The following ZDHHC11B variants were observed in gnomAD, a reference collection of about 807,000 sequenced individuals.
ZDHHC11B encodes zDHHC palmitoyltransferase 11B (putative), also known as probable palmitoyltransferase ZDHHC11B.
A neutral mutation model predicts 42.3 loss-of-function variants in ZDHHC11B; 17 were observed. That is an observed-to-expected ratio of 0.40 (90% confidence interval 0.27 to 0.60). ZDHHC11B has a LOEUF of 0.60. Ranked by LOEUF, ZDHHC11B falls within the 20% of genes least tolerant of loss-of-function variation. The probability of loss-of-function intolerance (pLI) is 0.41; values close to 1 mark genes in which losing one functional copy is unlikely to be tolerated. For synonymous variants in ZDHHC11B, 123 were observed against 193.5 expected (o/e 0.64, Z 3.02); for missense variants, 262 against 463.2 (o/e 0.57, Z 3.99).
At chr5:747,737 C>T (rs1215767550) in intron 8 of ZDHHC11B, 1 of 174,762 alleles carries the variant, frequency 5.7e-6, no homozygotes, top group Non-Finnish European at 1.2e-5. Context: ...CAGAAACCCC[C>T]TGAGAGGCCA....
At chr5:783,902 C>G (rs1370926123) in intron 1 of ZDHHC11B, among the ~76,000 whole-genome samples, 1 of 148,940 alleles carries the variant, frequency 6.7e-6, no homozygotes, top group Non-Finnish European at 1.5e-5. Context: ...CTTATCAAAA[C>G]AGCAGCCCCG....
At chr5:737,190 T>C (rs1424795329) in intron 10 of ZDHHC11B, among the ~76,000 whole-genome samples, 1 of 148,862 alleles carries the variant, frequency 6.7e-6, no homozygotes, top group Non-Finnish European at 1.5e-5. Flanking sequence ...AACACCGTTA[T>C]GCACACAAAC....
At chr5:738,831 C>T (rs1743820822) in intron 10 of ZDHHC11B, among the ~76,000 whole-genome samples, 1 of 149,048 alleles carries the variant, frequency 6.7e-6, no homozygotes, top group South Asian at 2.2e-4. Flanking sequence ...GCAAAATCTA[C>T]AAGATATCAT....
At chr5:766,602 C>T in intron 4 of ZDHHC11B, 96 bp downstream of exon 4, 1 of 1,319,278 alleles carries the variant, frequency 7.6e-7, no homozygotes, top group Non-Finnish European at 1.0e-6. Context: ...TGACTGGTGC[C>T]ACCGGGCAGC....
chr5:744,733 T>C (rs1311572585), intron 9 of ZDHHC11B, among the ~76,000 whole-genome samples: 13 of 148,994 alleles, frequency 8.7e-5, no homozygotes, highest in Non-Finnish European at 1.5e-4. Flanking sequence ...TAGTGGGGCG[T>C]AGTGGCATAC....
chr5:756,522 G>A (rs567313959), intron 4 of ZDHHC11B, among the ~76,000 whole-genome samples: 2 of 151,418 alleles, frequency 1.3e-5, no homozygotes, highest in Admixed American at 1.3e-4. Context: ...CATCCCTGTT[G>A]GACACAGGGC....
Position 730,460 on chromosome 5 carries a change from A to G in ZDHHC11B, c.1032T>C (p.Asp344=). The G allele has an allele frequency of 1.3e-6, 2 of 1,565,722 alleles. No homozygotes were observed. Among genetic ancestry groups the G allele is most frequent in the Non-Finnish European group, 1.7e-6 (2 of 1,164,134 alleles). Reference sequence around the variant, plus strand: ...CAAGTGTAGATGTACTCGGGGCATCATCTGCTTCCTGTGGGGGGAAGGGAA... The same window carrying G: ...CAAGTGTAGATGTACTCGGGGCATCGTCTGCTTCCTGTGGGGGGAAGGGAA... ...QDGDSKAQEA[D]DAPSTSTLGL... Residue 344 remains aspartate, a synonymous_variant, in exon 12 of 14, where the codon GAT becomes GAC. Transcript: ENST00000508859.
intron 1 of ZDHHC11B, among the ~76,000 whole-genome samples, chr5:783,719 ACAG>A (rs1448630313): frequency 1.5e-5 from 2 of 133,884 alleles, no homozygotes; most frequent in African/African-American, 2.8e-5. Flanking sequence ...CCCCATCAAA[ACAG>A]CAGCCCCCAA....
Position 743,926 on chromosome 5 carries a change from G to C in ZDHHC11B, c.900+1257C>G, listed in dbSNP as rs1442034537. 2.7e-5 allele frequency among the ~76,000 whole-genome samples: 4 copies of C among 149,904 alleles called. 1 individual carries two copies. The highest frequency in any genetic ancestry group is 9.8e-5 in the African/African-American group (4 of 40,816). The stretch of plus-strand genomic sequence containing the variant: ...GTAGGAGGAAGTGGTGTCATCACCT[G>C]TGCCGAACCTCCAAGAGAGGGTCAC... On this transcript the variant is annotated intron_variant, in intron 9 of 13. Transcript: ENST00000508859.
chr5:764,427 G>T (rs1380636922), intron 4 of ZDHHC11B, among the ~76,000 whole-genome samples: 11 of 151,650 alleles, frequency 7.3e-5, no homozygotes, highest in African/African-American at 2.4e-4. Context: ...TTCGGGGTGG[G>T]CATGGGCTCA....
intron 10 of ZDHHC11B, among the ~76,000 whole-genome samples, chr5:734,096 C>T (rs547001483): frequency 3.3e-4 from 47 of 142,128 alleles, no homozygotes; most frequent in East Asian, 2.7e-3. Flanking sequence ...CTCCACCCAC[C>T]GTGTGAGACT....
At chr5:778,686 T>A (rs577531318) in intron 1 of ZDHHC11B, among the ~76,000 whole-genome samples, 1 of 152,028 alleles carries the variant, frequency 6.6e-6, no homozygotes, top group African/African-American at 2.4e-5. Context: ...AACGCGACCT[T>A]GTTTGGAGAA....
intron 7 of ZDHHC11B, among the ~76,000 whole-genome samples, chr5:750,880 C>G (rs1257899407): frequency 8.0e-6 from 1 of 125,150 alleles, no homozygotes; most frequent in East Asian, 3.3e-4. Flanking sequence ...TGTCTCTCGC[C>G]TGACACGACC....
intron 1 of ZDHHC11B, among the ~76,000 whole-genome samples, chr5:780,899 G>A (rs1405005650): frequency 6.6e-6 from 1 of 151,560 alleles, no homozygotes; most frequent in African/African-American, 2.4e-5. Flanking sequence ...CGCAGGAGAG[G>A]GTGGACGCCC....
intron 1 of ZDHHC11B, among the ~76,000 whole-genome samples, chr5:772,770 G>A (rs1200897847): frequency 3.3e-5 from 5 of 151,806 alleles, no homozygotes; most frequent in Middle Eastern, 3.4e-3. Flanking sequence ...GACCTCAGAC[G>A]CCAGCTGCCA....
At chr5:774,934 C>G (rs1318747972) in intron 1 of ZDHHC11B, among the ~76,000 whole-genome samples, 8 of 152,014 alleles carry the variant, frequency 5.3e-5, no homozygotes, top group Non-Finnish European at 1.0e-4. Context: ...CTGCTCTTCA[C>G]GTGGATGGCT....
chr5:769,914 C>G (rs1365343952), intron 1 of ZDHHC11B, among the ~76,000 whole-genome samples: 2 of 152,058 alleles, frequency 1.3e-5, no homozygotes, highest in South Asian at 4.2e-4. Flanking sequence ...GAACGTGGCT[C>G]GAGTCCCGCT....
intron 11 of ZDHHC11B, among the ~76,000 whole-genome samples, chr5:731,065 T>C (rs1358518919): frequency 6.6e-6 from 1 of 151,874 alleles, no homozygotes; most frequent in Non-Finnish European, 1.5e-5. Context: ...CATGTTGTTC[T>C]CAGTGCTCTT....
In ZDHHC11B at chr5:759,922, C is replaced by A. The variant is rs998743485; in HGVS notation, c.223-3778G>T. On this transcript the variant is annotated intron_variant, in intron 4 of 13. Transcript: ENST00000508859. ...AAGCCACATGCTGCTGGCCAAGGGG[C>A]CCGAGGGGGTCGCTGAGGTGCAGGC... is the stretch of plus-strand genomic sequence containing the variant. Among the ~76,000 whole-genome samples the A allele has an allele frequency of 1.5e-4, 23 of 152,026 alleles. 1 individual carries two copies. The highest frequency in any genetic ancestry group is 5.5e-4 in the African/African-American group (23 of 41,480).
Sources: gnomAD v4.1 joint callset for allele counts (sites outside exome capture counted in the v4.1 genomes callset) on GRCh38, gnomAD v4.1.1 for gene constraint, MANE v1.5 for transcripts, NCBI Gene and HGNC (gene_info 2026-07-23, HGNC 2026-07-21) for gene names.